Variants in TRIM55 observed in about 807,000 individuals in gnomAD.
TRIM55 encodes the protein tripartite motif containing 55.
A neutral mutation model predicts 60.9 loss-of-function variants in TRIM55; 50 were observed. The observed-to-expected ratio is 0.82, with a 90% confidence interval of 0.65 to 1.04. TRIM55 has a LOEUF of 1.04. Ranked by LOEUF, TRIM55 falls within the 50% of genes least tolerant of loss-of-function variation. TRIM55 has a pLI of 0.00. For missense variants in TRIM55, 681 were observed against 666.9 expected, an observed-to-expected ratio of 1.02 and a Z score of -0.23; for synonymous variants, 237 against 238.1, an observed-to-expected ratio of 1.00 and a Z score of 0.04.
chr8:66,149,939 T>C, intron 5 of TRIM55, 61 bp downstream of exon 5: 2 of 1,315,634 alleles, frequency 1.5e-6, no homozygotes, highest in South Asian at 1.3e-5. Flanking sequence ...AAATTAGTTA[T>C]CACATTTTTA....
At chr8:66,167,832 T>C (rs1811409260) in intron 9 of TRIM55, among the ~76,000 whole-genome samples, 1 of 152,292 alleles carries the variant, frequency 6.6e-6, no homozygotes, top group Admixed American at 6.5e-5. Flanking sequence ...CATTACAACC[T>C]TGAACTCCTG....
intron 9 of TRIM55, among the ~76,000 whole-genome samples, chr8:66,155,331 T>C (rs1006354561): frequency 6.6e-6 from 1 of 152,250 alleles, no homozygotes; most frequent in Non-Finnish European, 1.5e-5. Context: ...GGGTTGGATG[T>C]TTATTTTCAC....
intron 9 of TRIM55, among the ~76,000 whole-genome samples, chr8:66,165,464 G>A (rs1013644301): frequency 6.6e-6 from 1 of 151,816 alleles, no homozygotes; most frequent in Non-Finnish European, 1.5e-5. Context: ...GATTTCCCAT[G>A]AGTGTGACTA....
rs1563630645 is a variant in TRIM55 at position 66,127,416 on chromosome 8, T to G, written c.148T>G (p.Cys50Gly). The G allele has an allele frequency of 6.2e-7, 1 of 1,613,810 alleles. No individual in the cohort carries two copies. The highest frequency in any genetic ancestry group is 8.5e-7 in the Non-Finnish European group (1 of 1,179,944). Residue 50 changes from cysteine (C) to glycine (G), a missense_variant, in exon 1 of 10, where the codon TGT becomes GGT. Coordinates refer to ENST00000315962, the MANE Select transcript of TRIM55 (RefSeq NM_184085.2). ...TTGTCAGCACAACCTGTGTAGGAAA[T>G]GTGCCAGTGATATTTTCCAGGTAGG... Reference protein sequence around the residue: ...LPCQHNLCRKCASDIFQASNP... With the variant: ...LPCQHNLCRKGASDIFQASNP...
At chr8:66,150,174 T>A (rs1162447466) in intron 5 of TRIM55, 43 bp from the exon 6 acceptor site, 1 of 1,600,928 alleles carries the variant, frequency 6.2e-7, no homozygotes, top group Non-Finnish European at 8.5e-7. Context: ...CTGTCTTTTG[T>A]GGAAATAATT....
rs940293036 is a variant in TRIM55, at chr8:66,149,733, A to G, written c.692A>G (p.Gln231Arg). The G allele has an allele frequency of 1.9e-6, 3 of 1,613,990 alleles. No individual in the cohort carries two copies. The highest frequency in any genetic ancestry group is 2.5e-6 in the Non-Finnish European group (3 of 1,179,818). Residue 231 changes from glutamine (Q) to arginine (R), a missense_variant, in exon 5 of 10, where the codon CAA becomes CGA. Gln to Arg is a conservative substitution (Grantham distance 43). Coordinates refer to ENST00000315962, the MANE Select transcript of TRIM55 (RefSeq NM_184085.2). ...GAGGAGAGGAAGAATGAAATGACCC[A>G]AGTCATTACCCGAACCCAAGAGGAG... ...ILEERKNEMT[Q>R]VITRTQEEKL...
At chr8:66,160,737 T>A (rs1811001022) in intron 9 of TRIM55, among the ~76,000 whole-genome samples, 1 of 152,132 alleles carries the variant, frequency 6.6e-6, no homozygotes, top group Non-Finnish European at 1.5e-5. Context: ...GGTATCGCAT[T>A]GTGGTTTTGA....
the TRIM55 span, among the ~76,000 whole-genome samples, chr8:66,114,065 C>T: frequency 1.4e-5 from 2 of 139,022 alleles, no homozygotes; most frequent in Non-Finnish European, 3.0e-5. Context: ...GGTTCGATTC[C>T]GGCTCGAAGG....
At chr8:66,113,638 G>A in the TRIM55 span, 1 of 454,902 alleles carries the variant, frequency 2.2e-6, no homozygotes. Flanking sequence ...ACGTGTCCGG[G>A]CAGGTTCCCA....
intron 9 of TRIM55, among the ~76,000 whole-genome samples, chr8:66,161,510 G>C (rs371035348): frequency 6.6e-6 from 1 of 151,854 alleles, no homozygotes; most frequent in Admixed American, 6.6e-5. Context: ...GCTTATGAGG[G>C]CTCTTTTTTG....
the TRIM55 span, among the ~76,000 whole-genome samples, chr8:66,114,172 A>T: frequency 6.7e-6 from 1 of 150,298 alleles, no homozygotes; most frequent in Non-Finnish European, 1.5e-5. Flanking sequence ...AACAGATAAT[A>T]AGCCGTGCCC....
chr8:66,134,077 T>C (rs548960401), intron 2 of TRIM55, among the ~76,000 whole-genome samples: 63 of 152,376 alleles, frequency 4.1e-4, no homozygotes, highest in Middle Eastern at 6.8e-3. Flanking sequence ...TCTATTTTTA[T>C]TTTAACAATG....
the TRIM55 span, among the ~76,000 whole-genome samples, chr8:66,118,136 T>A: frequency 8.8e-6 from 1 of 113,232 alleles, no homozygotes; most frequent in South Asian, 3.0e-4. Context: ...GCCACTGCAC[T>A]CCAGCCTGGG....
At chr8:66,167,031 A>G (rs73251665) in intron 9 of TRIM55, among the ~76,000 whole-genome samples, 3,522 of 152,258 alleles carry the variant, frequency 0.023, 131 homozygotes, top group African/African-American at 0.075. Flanking sequence ...CCGATCCTTC[A>G]GTTGCATCCC....
At chr8:66,134,940 GA>G in intron 2 of TRIM55, 49 bp from the exon 3 acceptor site, 1 of 1,593,802 alleles carries the variant, frequency 6.3e-7, no homozygotes, top group South Asian at 1.1e-5. Context: ...GCCTTGATGA[GA>G]TTGCCCCAGT....
chr8:66,149,619 C>G, intron 4 of TRIM55, 26 bp from the exon 5 acceptor site: 1 of 1,557,150 alleles, frequency 6.4e-7, no homozygotes, highest in South Asian at 1.1e-5. Context: ...CAAATACTTT[C>G]TAACATTAGC....
the TRIM55 span, among the ~76,000 whole-genome samples, chr8:66,117,761 G>A: frequency 6.6e-6 from 1 of 152,286 alleles, no homozygotes; most frequent in East Asian, 1.9e-4. Flanking sequence ...CAACGTTTGG[G>A]GTTCAGACAT....
upstream of TRIM55, among the ~76,000 whole-genome samples, chr8:66,123,530 A>T (rs1808709156): frequency 6.6e-6 from 1 of 152,186 alleles, no homozygotes. Flanking sequence ...AGAAAAAGTA[A>T]AAGGCAGGGA....
intron 4 of TRIM55, among the ~76,000 whole-genome samples, chr8:66,145,533 A>C (rs1485786051): frequency 2.0e-5 from 3 of 152,244 alleles, no homozygotes; most frequent in Non-Finnish European, 4.4e-5. Flanking sequence ...TTATTAGATC[A>C]TACAATGCCA....
Sources: gnomAD v4.1 joint callset for allele counts (sites outside exome capture counted in the v4.1 genomes callset) on GRCh38, gnomAD v4.1.1 for gene constraint, MANE v1.5 for transcripts, NCBI Gene and HGNC (gene_info 2026-07-23, HGNC 2026-07-21) for gene names.